Variants in PLCB4 observed in about 807,000 individuals in gnomAD.
PLCB4 encodes the protein phospholipase C beta 4.
In PLCB4, 77 loss-of-function variants were observed where a neutral mutation model predicts 178.8. The observed-to-expected ratio is 0.43, with a 90% confidence interval of 0.36 to 0.52. The LOEUF is 0.52. PLCB4 is among the 20% of genes least tolerant of loss of function. PLCB4 has a pLI of 0.00. For missense variants in PLCB4, 1,024 were observed against 1,453.4 expected (o/e 0.70, Z 4.80); for synonymous variants, 496 against 490.8 (o/e 1.01, Z -0.14).
chr20:9,164,159 A>G (rs2092933016), intron 2 of PLCB4, among the ~76,000 whole-genome samples: 1 of 152,214 alleles, frequency 6.6e-6, no homozygotes, highest in Non-Finnish European at 1.5e-5. Context: ...ATTGATTATA[A>G]TGAGACACAG....
At chr20:9,141,694 C>T (rs1232743026) in intron 2 of PLCB4, among the ~76,000 whole-genome samples, 1 of 151,960 alleles carries the variant, frequency 6.6e-6, no homozygotes, top group African/African-American at 2.4e-5. Flanking sequence ...TTTATACCTA[C>T]CCAGGAATTA....
chr20:9,478,900 G>A, intron 39 of PLCB4, 21 bp from the exon 40 acceptor site: 3 of 1,593,764 alleles, frequency 1.9e-6, no homozygotes, highest in East Asian at 2.2e-5. Context: ...CACACGTAAG[G>A]CCATGTTTCT....
At chr20:9,343,719 A>G (rs545049186) in intron 7 of PLCB4, among the ~76,000 whole-genome samples, 1 of 152,146 alleles carries the variant, frequency 6.6e-6, no homozygotes, top group Non-Finnish European at 1.5e-5. Flanking sequence ...GGTAAGTCCC[A>G]AATCAAAGCT....
At chr20:9,156,690 T>G (rs571210098) in intron 2 of PLCB4, among the ~76,000 whole-genome samples, 8 of 152,276 alleles carry the variant, frequency 5.3e-5, no homozygotes, top group African/African-American at 1.9e-4. Flanking sequence ...ACATTTGACA[T>G]TCAAAAGCAA....
chr20:9,205,121 A>G (rs1413789146), intron 2 of PLCB4, among the ~76,000 whole-genome samples: 1 of 152,224 alleles, frequency 6.6e-6, no homozygotes, highest in Non-Finnish European at 1.5e-5. Flanking sequence ...TTTGCAGGCT[A>G]GCATATGTAA....
At chr20:9,191,210 G>A (rs2093398366) in intron 2 of PLCB4, among the ~76,000 whole-genome samples, 1 of 152,140 alleles carries the variant, frequency 6.6e-6, no homozygotes, top group Non-Finnish European at 1.5e-5. Flanking sequence ...TGGTTTGAAT[G>A]TGTGTCTCCG....
chr20:9,138,050 A>G (rs769477562), intron 2 of PLCB4, among the ~76,000 whole-genome samples: 2 of 152,152 alleles, frequency 1.3e-5, no homozygotes, highest in Non-Finnish European at 2.9e-5. Context: ...CTGTCAAGAA[A>G]AGGCAGAGAG....
chr20:9,469,908 A>G (rs550500318), intron 36 of PLCB4, among the ~76,000 whole-genome samples: 18 of 152,288 alleles, frequency 1.2e-4, no homozygotes, highest in African/African-American at 3.8e-4. Flanking sequence ...GAGAATACAA[A>G]TGCTATCAGC....
At chr20:9,122,945 G>A (rs746141201) in intron 2 of PLCB4, among the ~76,000 whole-genome samples, 9 of 152,144 alleles carry the variant, frequency 5.9e-5, no homozygotes, top group Non-Finnish European at 1.2e-4. Context: ...TACAGTATCT[G>A]TTCTCTGAAA....
intron 35 of PLCB4, among the ~76,000 whole-genome samples, chr20:9,463,110 AT>A (rs2043512528): frequency 6.6e-6 from 1 of 152,220 alleles, no homozygotes; most frequent in African/African-American, 2.4e-5. Context: ...AGGGGCCAAT[AT>A]TCAACATTCT....
chr20:9,369,619 A>C (rs2036074693), intron 9 of PLCB4, among the ~76,000 whole-genome samples: 1 of 152,224 alleles, frequency 6.6e-6, no homozygotes. Context: ...AAGAACTCTT[A>C]AAAATGTACT....
intron 3 of PLCB4, among the ~76,000 whole-genome samples, chr20:9,218,231 T>C (rs1456447651): frequency 6.6e-6 from 1 of 152,106 alleles, no homozygotes; most frequent in Non-Finnish European, 1.5e-5. Flanking sequence ...CTGCCTCCAC[T>C]TCCTGAGTAG....
intron 2 of PLCB4, among the ~76,000 whole-genome samples, chr20:9,127,224 C>T (rs146261913): frequency 6.6e-6 from 1 of 152,138 alleles, no homozygotes; most frequent in African/African-American, 2.4e-5. Flanking sequence ...TGCAGCTTCC[C>T]AGGCAGCAGG....
intron 8 of PLCB4, 113 bp downstream of exon 8, chr20:9,363,088 C>A: frequency 1.3e-6 from 1 of 754,374 alleles, no homozygotes; most frequent in Non-Finnish European, 2.3e-6. Flanking sequence ...CCTTTCCCTC[C>A]ATGCTCCTGA....
intron 4 of PLCB4, among the ~76,000 whole-genome samples, chr20:9,317,252 A>G (rs1568575722): frequency 6.6e-6 from 1 of 152,100 alleles, no homozygotes; most frequent in Non-Finnish European, 1.5e-5. Context: ...TTCTTTTACT[A>G]CTGTGTTGTA....
intron 2 of PLCB4, among the ~76,000 whole-genome samples, chr20:9,114,624 A>G (rs1297273702): frequency 6.6e-6 from 1 of 152,170 alleles, no homozygotes; most frequent in Non-Finnish European, 1.5e-5. Flanking sequence ...ATGTGGGATT[A>G]ATCAGGGGAG....
At chr20:9,321,158 C>A (rs1464511280) in intron 4 of PLCB4, among the ~76,000 whole-genome samples, 1 of 152,160 alleles carries the variant, frequency 6.6e-6, no homozygotes, top group Non-Finnish European at 1.5e-5. Context: ...TGACATCAGT[C>A]ATCTCTTTAA....
chr20:9,452,609 A>G (rs566225191), intron 32 of PLCB4, among the ~76,000 whole-genome samples: 2 of 152,322 alleles, frequency 1.3e-5, no homozygotes, highest in South Asian at 4.1e-4. Context: ...TTCATTGTCC[A>G]GGAAGAAATA....
chr20:9,453,531 T>A, intron 33 of PLCB4, 69 bp downstream of exon 33: 1 of 902,518 alleles, frequency 1.1e-6, no homozygotes, highest in Non-Finnish European at 1.7e-6. Flanking sequence ...ACAGTTTTGC[T>A]GCTGTTTAGG....
Sources: gnomAD v4.1 joint callset for allele counts (sites outside exome capture counted in the v4.1 genomes callset) on GRCh38, gnomAD v4.1.1 for gene constraint, MANE v1.5 for transcripts, NCBI Gene and HGNC (gene_info 2026-07-23, HGNC 2026-07-21) for gene names.